Variants in PDCD6 observed in about 807,000 individuals in gnomAD.
The protein encoded by PDCD6 is programmed cell death 6.
In PDCD6, 12 loss-of-function variants were observed where a neutral mutation model predicts 28.3. The observed-to-expected ratio is 0.42, with a 90% CI of 0.27 to 0.69. PDCD6 has a LOEUF of 0.69. Among genes scored for constraint, PDCD6 ranks in the 30% least tolerant of loss-of-function variants. The pLI, the probability that PDCD6 is intolerant of heterozygous loss-of-function variation, is 0.22. For missense variants in PDCD6, 226 were observed against 269.9 expected, an observed-to-expected ratio of 0.84 and a Z score of 1.14; for synonymous variants, 92 against 108.0, an observed-to-expected ratio of 0.85 and a Z score of 0.92.
rs1409567771 is a variant in PDCD6, at chr5:313,103, G to T, written c.478-1314G>T. ...CTCAAGGCCCTGCTCCAGACCACGTGGGGAGGGCCTGACAGCCAATTCCCA... is the reference window on the plus strand; with the variant it reads ...CTCAAGGCCCTGCTCCAGACCACGTTGGGAGGGCCTGACAGCCAATTCCCA... On this transcript the variant is annotated intron_variant, in intron 5 of 5. Transcript: ENST00000264933. 2.0e-5 allele frequency among the ~76,000 whole-genome samples: 3 copies of T among 152,322 alleles called. No homozygotes were observed. In the East Asian group the frequency reaches 5.8e-4, roughly 29 times the overall value.
At chr5:299,659 C>T (rs1368881976) in intron 2 of PDCD6, among the ~76,000 whole-genome samples, 1 of 151,964 alleles carries the variant, frequency 6.6e-6, no homozygotes, top group Admixed American at 6.5e-5. Context: ...ACGCCATTCT[C>T]CTGCCTCAGC....
intron 2 of PDCD6, among the ~76,000 whole-genome samples, chr5:296,891 C>T (rs962250840): frequency 1.3e-5 from 2 of 151,948 alleles, no homozygotes; most frequent in African/African-American, 4.8e-5. Flanking sequence ...CGTCTTTATG[C>T]CTCCCCAGCC....
At chr5:283,416 A>T in intron 2 of PDCD6, among the ~76,000 whole-genome samples, 1 of 152,074 alleles carries the variant, frequency 6.6e-6, no homozygotes, top group Non-Finnish European at 1.5e-5. Flanking sequence ...CCCAGAGAGG[A>T]GCTGATGTTC....
At chr5:276,347 C>G (rs1462406428) in intron 2 of PDCD6, 53 of 1,077,682 alleles carry the variant, frequency 4.9e-5, no homozygotes, top group Non-Finnish European at 5.9e-5. Flanking sequence ...ATAGTTCCCT[C>G]TCACTACTAG....
At chr5:286,986 G>A (rs1265946237) in intron 2 of PDCD6, among the ~76,000 whole-genome samples, 3 of 151,914 alleles carry the variant, frequency 2.0e-5, no homozygotes, top group Non-Finnish European at 4.4e-5. Flanking sequence ...TTTGTGGGTC[G>A]TGGAGCTGGA....
intron 5 of PDCD6, chr5:311,945 A>G (rs1351981891): frequency 2.5e-5 from 4 of 159,368 alleles, no homozygotes; most frequent in East Asian, 3.8e-4. Flanking sequence ...TTAGCCTCCC[A>G]AAGTGCTAGG....
chr5:287,152 C>T (rs777660031), intron 2 of PDCD6, among the ~76,000 whole-genome samples: 13 of 151,672 alleles, frequency 8.6e-5, no homozygotes, highest in Non-Finnish European at 1.3e-4. Context: ...CTGGAGCGCC[C>T]GGGAGGAGTA....
At chr5:298,514 C>T (rs957938766) in intron 2 of PDCD6, among the ~76,000 whole-genome samples, 8 of 151,988 alleles carry the variant, frequency 5.3e-5, no homozygotes, top group East Asian at 3.9e-4. Flanking sequence ...TGTGGGGCTC[C>T]GGCAGGCCCC....
chr5:298,726 A>C (rs367710273), intron 2 of PDCD6, among the ~76,000 whole-genome samples: 49 of 8,666 alleles, frequency 5.7e-3, no homozygotes, highest in Middle Eastern at 0.062. Context: ...AGCTGCTCCC[A>C]CCCAGCTGCT....
chr5:275,793 G>A (rs531768927), intron 2 of PDCD6, among the ~76,000 whole-genome samples: 2 of 152,296 alleles, frequency 1.3e-5, no homozygotes, highest in Admixed American at 6.5e-5. Flanking sequence ...GCAGGGCTGC[G>A]ATTTGAAGCC....
intron 2 of PDCD6, among the ~76,000 whole-genome samples, chr5:293,298 G>T (rs1739422767): frequency 6.7e-6 from 1 of 149,934 alleles, no homozygotes; most frequent in African/African-American, 2.5e-5. Flanking sequence ...CAGAGATGGA[G>T]AAAGGTATGA....
rs997165038 is a variant in PDCD6 at position 272,113 on chromosome 5, C to T, written c.101+292C>T. On this transcript the variant is annotated intron_variant, in intron 1 of 5. Coordinates refer to ENST00000264933, the MANE Select transcript of PDCD6 (RefSeq NM_013232.4). Reference sequence around the variant, plus strand: ...CGGTCCCTGTCCTGTGCGTCGGGCCCTTCCCAAGATGCAGAGTGCGCCACT... The same window carrying T: ...CGGTCCCTGTCCTGTGCGTCGGGCCTTTCCCAAGATGCAGAGTGCGCCACT... Among the ~76,000 whole-genome samples, 59 of 151,450 alleles carry T rather than the reference C, an allele frequency of 3.9e-4. 1 individual carries two copies. Among genetic ancestry groups the T allele is most frequent in the African/African-American group, 1.4e-3 (58 of 40,844 alleles).
chr5:273,502 TTC>T, intron 2 of PDCD6: 15 of 152,676 alleles, frequency 9.8e-5, no homozygotes, highest in Admixed American at 9.2e-4. Flanking sequence ...CAGTCATCTT[TTC>T]TGATTCTGTG....
intron 2 of PDCD6, among the ~76,000 whole-genome samples, chr5:275,502 C>G (rs1039791789): frequency 6.6e-6 from 1 of 152,192 alleles, no homozygotes. Flanking sequence ...AATTTAGCTG[C>G]TAGAAAATTT....
chr5:313,794 A>AC (rs528279138), intron 5 of PDCD6: 2 of 154,258 alleles, frequency 1.3e-5, no homozygotes, highest in East Asian at 3.9e-4. Context: ...CACGCCTCGG[A>AC]CCCCCAAAGT....
At chr5:284,912 G>C (rs1738846691) in intron 2 of PDCD6, among the ~76,000 whole-genome samples, 1 of 148,260 alleles carries the variant, frequency 6.7e-6, no homozygotes, top group Non-Finnish European at 1.5e-5. Flanking sequence ...CTTGCAGCTG[G>C]AGACCCGGGG....
intron 2 of PDCD6, among the ~76,000 whole-genome samples, chr5:296,108 CAAAT>C (rs947313439): frequency 6.6e-6 from 1 of 152,122 alleles, no homozygotes; most frequent in Admixed American, 6.6e-5. Context: ...GAAAGGAACT[CAAAT>C]AAGACAAATG....
intron 2 of PDCD6, among the ~76,000 whole-genome samples, chr5:285,288 G>C (rs1473449039): frequency 1.3e-5 from 2 of 152,050 alleles, no homozygotes; most frequent in African/African-American, 4.8e-5. Flanking sequence ...ACCCGGGGGG[G>C]AACTGATGCT....
At chr5:297,399 A>G (rs1228821720) in intron 2 of PDCD6, among the ~76,000 whole-genome samples, 1 of 152,268 alleles carries the variant, frequency 6.6e-6, no homozygotes, top group African/African-American at 2.4e-5. Context: ...TGAGACTCTC[A>G]TGGAAAAATC....
Sources: allele counts gnomAD v4.1 joint callset (sites outside exome capture counted in the v4.1 genomes callset), GRCh38; gene constraint gnomAD v4.1.1; transcripts MANE v1.5; gene names NCBI Gene and HGNC (gene_info 2026-07-23, HGNC 2026-07-21).